The following RUSF1 variants were observed in gnomAD, a reference collection of about 807,000 sequenced individuals.
The protein encoded by RUSF1 is RUS family member 1, also known as RUS1 family protein C16orf58.
Under a neutral mutation model 63.0 loss-of-function variants are expected in RUSF1, and 58 were observed. The observed-to-expected ratio is 0.92, with a 90% confidence interval of 0.75 to 1.15. The LOEUF (loss-of-function observed/expected upper bound fraction) is 1.15, where lower values mean the gene tolerates loss of function less well. Among genes scored for constraint, RUSF1 ranks in the 50% most tolerant of loss-of-function variants. The pLI, the probability that RUSF1 is intolerant of heterozygous loss-of-function variation, is 0.00. For missense variants in RUSF1, 652 were observed against 611.0 expected (o/e 1.07, Z -0.71); for synonymous variants, 274 against 255.8 (o/e 1.07, Z -0.68).
chr16:31,492,266 G>C lies in RUSF1; in HGVS notation c.1162C>G (p.Leu388Val). ...ILRAATHGLM[L>V]GALQGDGPLP... ...GGTCCATCTCCCTGCAGGGCCCCAA[G>C]CATCAGCCCATGTGTGGCGGCCCTT... Residue 388 changes from leucine to valine, a missense_variant, in exon 11 of 13, where the codon CTT (leucine) becomes GTT (valine). Physicochemically the swap from Leu to Val is conservative, Grantham distance 32 (BLOSUM62 1). Coordinates refer to ENST00000327237, the MANE Select transcript of RUSF1 (RefSeq NM_022744.4). The C allele has an allele frequency of 2.5e-6, 4 of 1,613,150 alleles. No individual in the cohort carries two copies. The highest frequency in any genetic ancestry group is 3.4e-6 in the Non-Finnish European group (4 of 1,179,638).
intron 6 of RUSF1, among the ~76,000 whole-genome samples, chr16:31,495,676 T>G (rs1462051192): frequency 1.3e-5 from 2 of 151,962 alleles, no homozygotes; most frequent in African/African-American, 4.8e-5. Flanking sequence ...TAACAGCCTG[T>G]GGACTTAGGT....
chr16:31,499,466 C>T (rs754105905), intron 4 of RUSF1, 27 bp downstream of exon 4: 1 of 1,605,298 alleles, frequency 6.2e-7, no homozygotes, highest in Non-Finnish European at 8.5e-7. Flanking sequence ...TGGAAGACTC[C>T]CCTCCCCCGT....
Position 31,490,271 on chromosome 16 carries a change from T to C in RUSF1, c.*564A>G. ...GGGAGGTGGGGCTGGAGGAGCTGAG[T>C]TCCCGCAAACTAACTGCAGGGCCTC... On this transcript the variant is annotated 3_prime_UTR_variant, in exon 13 of 13. Transcript: ENST00000327237. 1 of 1,613,700 alleles carries C rather than the reference T, an allele frequency of 6.2e-7. No individual in the cohort carries two copies. The highest frequency in any genetic ancestry group is 8.5e-7 in the Non-Finnish European group (1 of 1,179,858).
At position 31,493,052 on chromosome 16, in the gene RUSF1, T is replaced by A. The variant is rs770038033; in HGVS notation, c.1017-4A>T. The A allele has an allele frequency of 6.2e-7, 1 of 1,613,466 alleles. No individual in the cohort carries two copies. The highest frequency in any genetic ancestry group is 8.5e-7 in the Non-Finnish European group (1 of 1,179,766). On this transcript the variant is annotated splice_polypyrimidine_tract_variant and splice_region_variant and intron_variant, in intron 9 of 12. Transcript: ENST00000327237. ...CAGCTGCTGCAGCTCAAAGACACTG[T>A]GGGGGAGAGGACAGTGCAGTGGGGG...
chr16:31,493,177 T>C (rs958795667), intron 9 of RUSF1, 129 bp from the exon 10 acceptor site: 3 of 1,020,580 alleles, frequency 2.9e-6, no homozygotes, highest in Non-Finnish European at 4.5e-6. Context: ...GCTTCCTCTC[T>C]CCCTCAGCCA....
chr16:31,493,126 C>T (rs1567394970), intron 9 of RUSF1, 78 bp from the exon 10 acceptor site: 1 of 1,420,360 alleles, frequency 7.0e-7, no homozygotes, highest in African/African-American at 1.4e-5. Context: ...GAACAGCCAC[C>T]CAGTGAACTG....
At position 31,489,542 on chromosome 16, in the gene RUSF1, G is replaced by T; in HGVS notation, c.*1293C>A. ...GGCCTGGGGGAGGCTTGATGTTGAT[G>T]GGTTGGTGATTAAAGCCTCCCAAAG... On this transcript the variant is annotated 3_prime_UTR_variant, in exon 13 of 13. Transcript: ENST00000327237. 1 of 622,000 alleles carries T rather than the reference G, an allele frequency of 1.6e-6. No homozygotes were observed. Among genetic ancestry groups the T allele is most frequent in the African/African-American group, 1.8e-5 (1 of 54,790 alleles). 38.5% of individuals were successfully genotyped at this position (622,000 alleles called of 1,614,324 possible). A position where few individuals can be genotyped will look rare whatever the true frequency, so the allele number is the denominator to read the frequency against.
intron 3 of RUSF1, 137 bp downstream of exon 3, chr16:31,500,549 T>C (rs1821164061): frequency 7.1e-6 from 8 of 1,121,666 alleles, no homozygotes; most frequent in Non-Finnish European, 1.0e-5. Context: ...TTATGTACGA[T>C]GCCACGGGCA....
In RUSF1 at chr16:31,490,034, T is replaced by A; in HGVS notation, c.*801A>T. 1 of 1,604,066 alleles carries A rather than the reference T, an allele frequency of 6.2e-7. No homozygotes were observed. Among genetic ancestry groups the A allele is most frequent in the Non-Finnish European group, 8.5e-7 (1 of 1,175,406 alleles). ...TAGGGCAGGCAGTGACGAGCTGGTG[T>A]GCAAGAGACTTTAGGGCCAGGCATG... On this transcript the variant is annotated 3_prime_UTR_variant, in exon 13 of 13. Coordinates refer to ENST00000327237, the MANE Select transcript of RUSF1 (RefSeq NM_022744.4).
At chr16:31,500,645 G>C (rs1383879082) in intron 3 of RUSF1, 41 bp downstream of exon 3, 2 of 1,597,748 alleles carry the variant, frequency 1.3e-6, no homozygotes, top group African/African-American at 1.3e-5. Flanking sequence ...ACCACTACTG[G>C]GAAGAGTTGC....
intron 9 of RUSF1, 165 bp from the exon 10 acceptor site, chr16:31,493,213 T>C (rs2082582842): frequency 5.6e-6 from 5 of 889,654 alleles, no homozygotes; most frequent in Non-Finnish European, 7.3e-6. Context: ...AAATCCATCC[T>C]TTCTTCCTGT....
chr16:31,493,590 G>A lies in RUSF1; in HGVS notation c.958+13C>T. The A allele has an allele frequency of 6.2e-7, 1 of 1,614,208 alleles. No homozygotes were observed. The highest frequency in any genetic ancestry group is 8.5e-7 in the Non-Finnish European group (1 of 1,180,038). ...GGTTGAGACACAGGACCCGAGACCA[G>A]GGGCAGGGTCACCTGTCCACAGCGG... is the stretch of plus-strand genomic sequence containing the variant. On this transcript the variant is annotated intron_variant, in intron 8 of 12. Coordinates refer to ENST00000327237, the MANE Select transcript of RUSF1 (RefSeq NM_022744.4).
Position 31,493,722 on chromosome 16 carries a change from C to G in RUSF1, c.839G>C (p.Arg280Pro). 6.2e-7 allele frequency: 1 copy of G among 1,614,200 alleles called. No homozygotes were observed. The highest frequency in any genetic ancestry group is 8.5e-7 in the Non-Finnish European group (1 of 1,180,046). Residue 280 changes from arginine (R) to proline (P), a missense_variant, in exon 8 of 13, where the codon CGA (arginine) becomes CCA (proline). By Grantham distance (103) the Arg-to-Pro change is moderately radical. Coordinates refer to ENST00000327237, the MANE Select transcript of RUSF1 (RefSeq NM_022744.4). ...LHIYANYRAVRALVMETLNEG... is the reference protein window; with the variant it reads ...LHIYANYRAVPALVMETLNEG... Reference sequence around the variant, plus strand: ...GTTCAAGGTCTCCATGACCAGGGCTCGGACCGCGCGGTAGTTGGCGTAGAT... The same window carrying G: ...GTTCAAGGTCTCCATGACCAGGGCTGGGACCGCGCGGTAGTTGGCGTAGAT...
At position 31,490,427 on chromosome 16, in the gene RUSF1, C is replaced by T. The variant is rs1567393098; in HGVS notation, c.*408G>A. ...CCCAGGAGGAGGCAGCGGCAGCAGC[C>T]AGGCGGCTGGAGGACATCAGCGAGG... On this transcript the variant is annotated 3_prime_UTR_variant, in exon 13 of 13. Transcript: ENST00000327237. 6.2e-7 allele frequency: 1 copy of T among 1,613,772 alleles called. No homozygotes were observed. Among genetic ancestry groups the T allele is most frequent in the African/African-American group, 1.3e-5 (1 of 75,054 alleles).
intron 9 of RUSF1, 103 bp downstream of exon 9, chr16:31,493,364 C>G: frequency 7.0e-7 from 1 of 1,421,432 alleles, no homozygotes; most frequent in Admixed American, 2.0e-5. Flanking sequence ...AATGAAGAAC[C>G]CAGGACAGAG....
At chr16:31,498,847 G>A (rs552682027) in intron 5 of RUSF1, among the ~76,000 whole-genome samples, 7 of 152,252 alleles carry the variant, frequency 4.6e-5, no homozygotes, top group African/African-American at 1.2e-4. Context: ...TGGAATCCCC[G>A]CCTCAGCCTC....
At chr16:31,498,634 C>G (rs1453613926) in intron 5 of RUSF1, among the ~76,000 whole-genome samples, 1 of 152,206 alleles carries the variant, frequency 6.6e-6, no homozygotes. Context: ...AAGGGTTGTG[C>G]AGGCAACAGC....
intron 5 of RUSF1, among the ~76,000 whole-genome samples, chr16:31,497,804 T>A (rs892289313): frequency 2.6e-5 from 4 of 152,136 alleles, no homozygotes; most frequent in African/African-American, 9.7e-5. Flanking sequence ...AGGGACAAAG[T>A]GAGGGCGAAG....
At chr16:31,506,864 A>G (rs1261914130) in intron 2 of RUSF1, among the ~76,000 whole-genome samples, 1 of 152,118 alleles carries the variant, frequency 6.6e-6, no homozygotes, top group Non-Finnish European at 1.5e-5. Context: ...ACGAGGATTA[A>G]AGGCGTGAGC....
Sources: gnomAD v4.1 joint callset for allele counts (sites outside exome capture counted in the v4.1 genomes callset) on GRCh38, gnomAD v4.1.1 for gene constraint, MANE v1.5 for transcripts, NCBI Gene and HGNC (gene_info 2026-07-23, HGNC 2026-07-21) for gene names.